Variants in SEC22A observed in about 807,000 individuals in gnomAD.
SEC22A encodes SEC22 homolog A, vesicle trafficking protein, also known as vesicle-trafficking protein SEC22a.
A neutral mutation model predicts 35.3 loss-of-function variants in SEC22A; 22 were observed. The observed-to-expected ratio is 0.62, with a 90% CI of 0.45 to 0.89. The LOEUF (loss-of-function observed/expected upper bound fraction) is 0.89, where lower values mean the gene tolerates loss of function less well. SEC22A is among the 40% of genes least tolerant of loss of function. SEC22A has a pLI of 0.00. For synonymous variants in SEC22A, 119 were observed against 129.5 expected (o/e 0.92, Z 0.55); for missense variants, 354 against 362.5 (o/e 0.98, Z 0.19).
chr3:123,248,347 C>A (rs1250001566), intron 5 of SEC22A, among the ~76,000 whole-genome samples: 1 of 152,076 alleles, frequency 6.6e-6, no homozygotes, highest in African/African-American at 2.4e-5. Flanking sequence ...AAATCAACAA[C>A]AATAGCAAAA....
intron 4 of SEC22A, chr3:123,244,049 A>G (rs1199395303): frequency 1.3e-5 from 2 of 152,250 alleles, no homozygotes; most frequent in Non-Finnish European, 2.9e-5. Context: ...ACCAAATATT[A>G]TAGTACCTAG....
At chr3:123,228,253 T>C (rs1410686037) in intron 4 of SEC22A, among the ~76,000 whole-genome samples, 1 of 151,476 alleles carries the variant, frequency 6.6e-6, no homozygotes, top group African/African-American at 2.4e-5. Flanking sequence ...TTCCAGTAAA[T>C]TATAAGACAT....
At position 123,262,066 on chromosome 3, in the gene SEC22A, G is replaced by A. The variant is rs539223384; in HGVS notation, c.723+2477G>A. 3.3e-5 allele frequency among the ~76,000 whole-genome samples: 5 copies of A among 152,272 alleles called. No homozygotes were observed. In the East Asian group the frequency reaches 7.7e-4, roughly 23 times the overall value. On this transcript the variant is annotated intron_variant, in intron 6 of 6. Transcript: ENST00000492595. ...TGATGAGCAGGGTGATAATAATGCT[G>A]TTTTTTTCCCCCACAGTAAAACTTA...
At chr3:123,255,457 A>G (rs1450869735) in intron 5 of SEC22A, among the ~76,000 whole-genome samples, 2 of 152,086 alleles carry the variant, frequency 1.3e-5, no homozygotes, top group East Asian at 1.9e-4. Flanking sequence ...AAAAATACAC[A>G]TACATTTATA....
intron 4 of SEC22A, among the ~76,000 whole-genome samples, chr3:123,230,013 T>C (rs1937290553): frequency 6.6e-6 from 1 of 152,124 alleles, no homozygotes; most frequent in East Asian, 1.9e-4. Context: ...CCCGGTGTGG[T>C]GGCTCATGCC....
intron 2 of SEC22A, among the ~76,000 whole-genome samples, chr3:123,222,055 A>G (rs1208984250): frequency 6.6e-6 from 1 of 152,054 alleles, no homozygotes; most frequent in Non-Finnish European, 1.5e-5. Flanking sequence ...TAATGTTCCT[A>G]CCATACTTTA....
intron 5 of SEC22A, among the ~76,000 whole-genome samples, chr3:123,256,939 T>C (rs907289561): frequency 1.3e-5 from 2 of 151,934 alleles, no homozygotes; most frequent in African/African-American, 4.8e-5. Flanking sequence ...TTTTGTATTT[T>C]TAGTAGAGAC....
At chr3:123,250,456 A>T (rs765421679) in intron 5 of SEC22A, among the ~76,000 whole-genome samples, 7 of 152,140 alleles carry the variant, frequency 4.6e-5, no homozygotes, top group Non-Finnish European at 5.9e-5. Context: ...CTGGAAAGGG[A>T]GGAATGTTCT....
At chr3:123,244,202 T>C (rs1214672455) in intron 4 of SEC22A, among the ~76,000 whole-genome samples, 6 of 152,164 alleles carry the variant, frequency 3.9e-5, no homozygotes, top group Non-Finnish European at 8.8e-5. Flanking sequence ...TATTAAGAAG[T>C]GTCACCTTCT....
At chr3:123,248,954 G>A (rs1214673415) in intron 5 of SEC22A, among the ~76,000 whole-genome samples, 1 of 152,144 alleles carries the variant, frequency 6.6e-6, no homozygotes, top group Non-Finnish European at 1.5e-5. Flanking sequence ...CAGGTAAAGA[G>A]TTCAGTCCCA....
Position 123,249,095 on chromosome 3 carries a change from G to A in SEC22A, c.657+3081G>A, listed in dbSNP as rs1937589739. On this transcript the variant is annotated intron_variant, in intron 5 of 6. Coordinates refer to ENST00000492595, the MANE Select transcript of SEC22A (RefSeq NM_012430.5). Reference sequence around the variant, plus strand: ...AGAACTCACGGAAATATGTTTACTGGTTTATTATAAAGGAAATTACAAAGA... The same window carrying A: ...AGAACTCACGGAAATATGTTTACTGATTTATTATAAAGGAAATTACAAAGA... Among the ~76,000 whole-genome samples, 3 of 152,262 alleles carry A rather than the reference G, an allele frequency of 2.0e-5. No individual in the cohort carries two copies. The South Asian group carries it at 6.2e-4, about 32-fold the overall frequency.
rs78696797 is a variant in SEC22A, at chr3:123,266,076, A to G, written c.724-5446A>G. ...CCATGTTATCTAAGTTACCAAATTTATGTGTTTAGAGTTGGTTGTAGTATT... is the reference window on the plus strand; with the variant it reads ...CCATGTTATCTAAGTTACCAAATTTGTGTGTTTAGAGTTGGTTGTAGTATT... On this transcript the variant is annotated intron_variant, in intron 6 of 6. Coordinates refer to ENST00000492595, the MANE Select transcript of SEC22A (RefSeq NM_012430.5). 7.2e-3 allele frequency among the ~76,000 whole-genome samples: 1,100 copies of G among 152,248 alleles called. 1 individual carries two copies. The highest frequency in any genetic ancestry group is 0.011 in the Non-Finnish European group (779 of 67,988).
At chr3:123,218,407 T>C (rs986750755) in intron 2 of SEC22A, among the ~76,000 whole-genome samples, 1 of 152,174 alleles carries the variant, frequency 6.6e-6, no homozygotes, top group African/African-American at 2.4e-5. Flanking sequence ...GGAAAAAACC[T>C]TGGCAATTTA....
At chr3:123,260,256 T>C (rs1415873760) in intron 6 of SEC22A, among the ~76,000 whole-genome samples, 2 of 151,276 alleles carry the variant, frequency 1.3e-5, no homozygotes. Context: ...GGGAAGTTTT[T>C]GAATAGAGAA....
At chr3:123,202,502 T>C (rs1398432090) in intron 1 of SEC22A, among the ~76,000 whole-genome samples, 1 of 152,040 alleles carries the variant, frequency 6.6e-6, no homozygotes, top group Non-Finnish European at 1.5e-5. Context: ...AGCCCAGATA[T>C]TTGCCCGCGT....
chr3:123,265,719 A>G (rs974857223), intron 6 of SEC22A, among the ~76,000 whole-genome samples: 2 of 152,096 alleles, frequency 1.3e-5, no homozygotes, highest in African/African-American at 4.8e-5. Flanking sequence ...TAATTTTTGT[A>G]TGAGATGTGA....
chr3:123,239,215 A>C (rs1937481158), intron 4 of SEC22A, among the ~76,000 whole-genome samples: 1 of 152,238 alleles, frequency 6.6e-6, no homozygotes, highest in Non-Finnish European at 1.5e-5. Flanking sequence ...TAAAGGGAGC[A>C]CACAAGGATG....
intron 4 of SEC22A, among the ~76,000 whole-genome samples, chr3:123,233,654 CAAAA>C (rs34046685): frequency 2.7e-5 from 4 of 149,736 alleles, no homozygotes; most frequent in East Asian, 1.9e-4. Context: ...AACAAACAAA[CAAAA>C]AAAAACACTC....
At chr3:123,233,078 A>G (rs951088200) in intron 4 of SEC22A, among the ~76,000 whole-genome samples, 2 of 152,138 alleles carry the variant, frequency 1.3e-5, no homozygotes, top group African/African-American at 4.8e-5. Flanking sequence ...TGCAGTGAGT[A>G]ATGATGACAC....
Sources: gnomAD v4.1 joint callset for allele counts (sites outside exome capture counted in the v4.1 genomes callset) on GRCh38, gnomAD v4.1.1 for gene constraint, MANE v1.5 for transcripts, NCBI Gene and HGNC (gene_info 2026-07-23, HGNC 2026-07-21) for gene names.